The following GPC5 variants were observed in gnomAD, a reference collection of about 807,000 sequenced individuals.
GPC5 encodes the protein glypican 5.
Under a neutral mutation model 53.9 loss-of-function variants are expected in GPC5, and 47 were observed. The observed-to-expected ratio is 0.87, with a 90% CI of 0.69 to 1.11. The LOEUF (loss-of-function observed/expected upper bound fraction) is 1.11, where lower values mean the gene tolerates loss of function less well. Among genes scored for constraint, GPC5 ranks in the 50% most tolerant of loss-of-function variants. GPC5 has a pLI of 0.00. For missense variants in GPC5, 748 were observed against 713.1 expected, an observed-to-expected ratio of 1.05 and a Z score of -0.56; for synonymous variants, 286 against 263.3, an observed-to-expected ratio of 1.09 and a Z score of -0.84.
chr13:92,200,345 G>C (rs140092113), intron 7 of GPC5, among the ~76,000 whole-genome samples: 2 of 152,150 alleles, frequency 1.3e-5, no homozygotes, highest in African/African-American at 4.8e-5. Flanking sequence ...AATTACGGCT[G>C]TATTACCCTT....
intron 2 of GPC5, among the ~76,000 whole-genome samples, chr13:91,589,100 C>T (rs1566532544): frequency 6.6e-6 from 1 of 152,098 alleles, no homozygotes; most frequent in Non-Finnish European, 1.5e-5. Context: ...GCTTTAGTTT[C>T]CAACTGCCTA....
At chr13:92,500,493 T>TA (rs2138931225) in intron 7 of GPC5, among the ~76,000 whole-genome samples, 1 of 152,346 alleles carries the variant, frequency 6.6e-6, no homozygotes, top group Non-Finnish European at 1.5e-5. Context: ...GCGATTTAGA[T>TA]AGACTTCTCT....
chr13:91,925,962 A>C (rs1378276011), intron 6 of GPC5, among the ~76,000 whole-genome samples: 2 of 152,204 alleles, frequency 1.3e-5, no homozygotes, highest in Non-Finnish European at 2.9e-5. Context: ...ATTTTAGAAG[A>C]TATTATGGCT....
intron 7 of GPC5, among the ~76,000 whole-genome samples, chr13:92,752,633 C>T (rs1874619111): frequency 6.6e-6 from 1 of 152,136 alleles, no homozygotes; most frequent in Admixed American, 6.5e-5. Flanking sequence ...TGGGTGCGCG[C>T]ACCGTGCGCG....
chr13:91,946,801 G>C (rs1470430034), intron 6 of GPC5, among the ~76,000 whole-genome samples: 1 of 152,136 alleles, frequency 6.6e-6, no homozygotes, highest in Non-Finnish European at 1.5e-5. Flanking sequence ...TCAATACCTT[G>C]AGTCTGTTTC....
chr13:92,175,516 G>T (rs1337627235), intron 7 of GPC5, among the ~76,000 whole-genome samples: 1 of 152,120 alleles, frequency 6.6e-6, no homozygotes, highest in East Asian at 1.9e-4. Flanking sequence ...CTATCTAAGA[G>T]CTGAATTGCT....
At chr13:92,128,247 G>A (rs1305153202) in intron 6 of GPC5, among the ~76,000 whole-genome samples, 1 of 152,108 alleles carries the variant, frequency 6.6e-6, no homozygotes, top group African/African-American at 2.4e-5. Flanking sequence ...ACAGGCCAAA[G>A]TAAATTACTC....
intron 7 of GPC5, among the ~76,000 whole-genome samples, chr13:92,740,896 T>TATATATATA (rs1889065978): frequency 5.9e-5 from 8 of 134,904 alleles, no homozygotes; most frequent in African/African-American, 2.2e-4. Context: ...ATTTATTTAT[T>TATATATATA]TATATATATA....
At chr13:92,112,125 T>C (rs985189481) in intron 6 of GPC5, among the ~76,000 whole-genome samples, 1 of 152,140 alleles carries the variant, frequency 6.6e-6, no homozygotes, top group Non-Finnish European at 1.5e-5. Flanking sequence ...GAGTGGAAGG[T>C]AACAATTTTG....
chr13:92,363,238 G>C lies in GPC5; in HGVS notation c.1561+218249G>C, dbSNP rs765114650. Among the ~76,000 whole-genome samples the C allele has an allele frequency of 2.4e-4, 36 of 151,756 alleles. 1 individual carries two copies. The highest frequency in any genetic ancestry group is 5.2e-4 in the Admixed American group (8 of 15,284). ...GAATAGTTGTTGTTTCCACCAGCTAGAGTAAAAATCTTGTAATACATGTGT... is the reference window on the plus strand; with the variant it reads ...GAATAGTTGTTGTTTCCACCAGCTACAGTAAAAATCTTGTAATACATGTGT... On this transcript the variant is annotated intron_variant, in intron 7 of 7. Coordinates refer to ENST00000377067, the MANE Select transcript of GPC5 (RefSeq NM_004466.6).
At chr13:92,035,768 C>CA (rs1566405590) in intron 6 of GPC5, among the ~76,000 whole-genome samples, 1 of 144,310 alleles carries the variant, frequency 6.9e-6, no homozygotes, top group East Asian at 2.0e-4. Context: ...AAAAAAAAAA[C>CA]AAAAAAAACA....
intron 7 of GPC5, among the ~76,000 whole-genome samples, chr13:92,586,085 G>A (rs190905528): frequency 6.6e-6 from 1 of 152,298 alleles, no homozygotes; most frequent in Admixed American, 6.5e-5. Flanking sequence ...GTGCTTAAAT[G>A]TATTGTGAAC....
intron 6 of GPC5, among the ~76,000 whole-genome samples, chr13:92,082,813 T>A (rs544237042): frequency 6.6e-6 from 1 of 152,356 alleles, no homozygotes; most frequent in East Asian, 1.9e-4. Flanking sequence ...ATATTTTATA[T>A]CATTGAATGT....
intron 7 of GPC5, among the ~76,000 whole-genome samples, chr13:92,485,999 T>G (rs545728601): frequency 2.0e-5 from 3 of 152,248 alleles, no homozygotes; most frequent in Admixed American, 2.0e-4. Flanking sequence ...AAAAATTATG[T>G]AGTTAGATTG....
intron 7 of GPC5, among the ~76,000 whole-genome samples, chr13:92,277,362 TAAC>T (rs2042883606): frequency 6.6e-6 from 1 of 152,006 alleles, no homozygotes; most frequent in Admixed American, 6.6e-5. Context: ...CATTCTAAGG[TAAC>T]AACAATTCAG....
intron 7 of GPC5, among the ~76,000 whole-genome samples, chr13:92,843,571 T>TA (rs1878503250): frequency 6.6e-6 from 1 of 152,118 alleles, no homozygotes; most frequent in African/African-American, 2.4e-5. Context: ...ATAGCACATA[T>TA]AAAAATAGCT....
chr13:91,784,347 T>C (rs1455985855), intron 5 of GPC5, among the ~76,000 whole-genome samples: 2 of 152,158 alleles, frequency 1.3e-5, no homozygotes, highest in Non-Finnish European at 2.9e-5. Flanking sequence ...TCTGGGTAGA[T>C]AATAATTTCA....
chr13:92,370,442 A>T (rs1385589407), intron 7 of GPC5, among the ~76,000 whole-genome samples: 1 of 152,190 alleles, frequency 6.6e-6, no homozygotes, highest in Non-Finnish European at 1.5e-5. Flanking sequence ...TGATTCCTTA[A>T]TATGGGCTAA....
At chr13:91,964,077 G>A (rs2040154228) in intron 6 of GPC5, among the ~76,000 whole-genome samples, 2 of 152,054 alleles carry the variant, frequency 1.3e-5, no homozygotes, top group African/African-American at 2.4e-5. Context: ...TCTTAAAGAT[G>A]GTGTGTCCAG....
Sources: allele counts gnomAD v4.1 joint callset (sites outside exome capture counted in the v4.1 genomes callset), GRCh38; gene constraint gnomAD v4.1.1; transcripts MANE v1.5; gene names NCBI Gene and HGNC (gene_info 2026-07-23, HGNC 2026-07-21).